STPG2: variants seen among roughly 807,000 people sequenced by gnomAD.
STPG2 encodes sperm tail PG-rich repeat containing 2.
Under a neutral mutation model 54.2 loss-of-function variants are expected in STPG2, and 56 were observed. The observed-to-expected ratio is 1.03, with a 90% CI of 0.83 to 1.29. The LOEUF (loss-of-function observed/expected upper bound fraction) is 1.29. STPG2 is among the 50% of genes most tolerant of loss of function. The pLI is 0.00. For missense variants in STPG2, 596 were observed against 544.9 expected (o/e 1.09, Z -0.93); for synonymous variants, 200 against 181.8 (o/e 1.10, Z -0.81).
At chr4:97,808,640 T>C (rs1447657776) in intron 9 of STPG2, among the ~76,000 whole-genome samples, 1 of 147,968 alleles carries the variant, frequency 6.8e-6, no homozygotes, top group African/African-American at 2.5e-5. Context: ...TTAAATTTAC[T>C]AAAAAGTTCT....
At chr4:97,472,077 A>T (rs1321546393) in intron 4 of STPG2, among the ~76,000 whole-genome samples, 1 of 152,140 alleles carries the variant, frequency 6.6e-6, no homozygotes, top group African/African-American at 2.4e-5. Context: ...TCATAACAAC[A>T]ACTAGAAAAA....
At chr4:97,644,895 C>T (rs1472831528) in intron 10 of STPG2, among the ~76,000 whole-genome samples, 1 of 151,956 alleles carries the variant, frequency 6.6e-6, no homozygotes, top group Non-Finnish European at 1.5e-5. Flanking sequence ...GATATTAAAG[C>T]TTTTGTCAGT....
intron 4 of STPG2, among the ~76,000 whole-genome samples, chr4:97,534,229 TG>T (rs1731479307): frequency 6.6e-6 from 1 of 152,118 alleles, no homozygotes; most frequent in South Asian, 2.1e-4. Context: ...TGGTCATACA[TG>T]GTCATGAGGT....
At position 97,934,353 on chromosome 4, in the gene STPG2, T is replaced by C. The variant is rs190776863; in HGVS notation, c.1044+9544A>G. Among the ~76,000 whole-genome samples the C allele has an allele frequency of 6.3e-4, 96 of 152,290 alleles. 2 individuals carry two copies. The highest frequency in any genetic ancestry group is 4.6e-3 in the South Asian group (22 of 4,832). ...TCTTCCTAGTTGAATACCCTTTATT[T>C]CCTTCTCTTACCTGATTGCCTTGGC... On this transcript the variant is annotated intron_variant, in intron 8 of 10. Coordinates refer to ENST00000295268, the MANE Select transcript of STPG2 (RefSeq NM_174952.3).
chr4:98,097,591 A>G (rs1243578391), intron 5 of STPG2, among the ~76,000 whole-genome samples: 1 of 152,156 alleles, frequency 6.6e-6, no homozygotes, highest in Non-Finnish European at 1.5e-5. Context: ...CACTTTCACC[A>G]CTGTTACTCA....
chr4:98,010,955 T>G (rs964109165), intron 5 of STPG2, among the ~76,000 whole-genome samples: 1 of 152,178 alleles, frequency 6.6e-6, no homozygotes, highest in Admixed American at 6.5e-5. Flanking sequence ...TTATATAACT[T>G]TGTAATTTTT....
intron 10 of STPG2, among the ~76,000 whole-genome samples, chr4:97,639,440 C>T (rs909658611): frequency 1.3e-5 from 2 of 151,058 alleles, no homozygotes; most frequent in African/African-American, 2.4e-5. Context: ...CACATGTATA[C>T]GTATGTAACT....
intron 8 of STPG2, among the ~76,000 whole-genome samples, chr4:97,864,449 A>G (rs1189297212): frequency 6.6e-6 from 1 of 152,216 alleles, no homozygotes; most frequent in Admixed American, 6.5e-5. Context: ...GAGGACACAA[A>G]CAAATGGGAG....
chr4:97,529,573 G>T (rs1397877440), intron 4 of STPG2, among the ~76,000 whole-genome samples: 2 of 152,064 alleles, frequency 1.3e-5, no homozygotes, highest in Non-Finnish European at 2.9e-5. Context: ...TCTCCTCTTT[G>T]CATGTCTGGT....
At chr4:97,921,769 A>G (rs1685136883) in intron 8 of STPG2, among the ~76,000 whole-genome samples, 1 of 152,198 alleles carries the variant, frequency 6.6e-6, no homozygotes, top group Admixed American at 6.5e-5. Flanking sequence ...GAACATCCAG[A>G]TCGACAAGGC....
intron 10 of STPG2, among the ~76,000 whole-genome samples, chr4:97,574,159 T>C (rs1025733467): frequency 1.3e-5 from 2 of 152,100 alleles, no homozygotes; most frequent in Non-Finnish European, 2.9e-5. Flanking sequence ...AGGAACATAA[T>C]TATTAATCTC....
intron 4 of STPG2, among the ~76,000 whole-genome samples, chr4:97,490,756 C>T (rs538734268): frequency 1.4e-3 from 219 of 151,644 alleles, no homozygotes; most frequent in Non-Finnish European, 2.2e-3. Context: ...TGTTCCTAAC[C>T]TTTAACACTT....
intron 10 of STPG2, among the ~76,000 whole-genome samples, chr4:97,711,400 T>C (rs897333757): frequency 2.6e-5 from 4 of 152,150 alleles, no homozygotes; most frequent in African/African-American, 9.6e-5. Flanking sequence ...TTAAGTCACC[T>C]AGCATAGATC....
intron 5 of STPG2, among the ~76,000 whole-genome samples, chr4:98,081,974 A>C (rs1049794290): frequency 2.6e-5 from 4 of 152,226 alleles, no homozygotes; most frequent in Non-Finnish European, 5.9e-5. Context: ...AAAAGCCCTT[A>C]CCAAGAAATA....
intron 4 of STPG2, among the ~76,000 whole-genome samples, chr4:97,518,042 A>G (rs1731109959): frequency 6.6e-6 from 1 of 152,154 alleles, no homozygotes; most frequent in African/African-American, 2.4e-5. Flanking sequence ...AGTATTGCTT[A>G]CAAATCAATT....
chr4:97,579,949 C>T (rs1160786729), intron 10 of STPG2, among the ~76,000 whole-genome samples: 1 of 151,938 alleles, frequency 6.6e-6, no homozygotes, highest in African/African-American at 2.4e-5. Flanking sequence ...TTATCTATCA[C>T]TAATTATAAA....
At chr4:97,701,209 T>G (rs947358807) in intron 10 of STPG2, among the ~76,000 whole-genome samples, 2 of 152,086 alleles carry the variant, frequency 1.3e-5, no homozygotes, top group Non-Finnish European at 2.9e-5. Flanking sequence ...AATGTGGGGG[T>G]CCTGCCAGCT....
At chr4:98,082,727 C>T (rs1738388097) in intron 5 of STPG2, among the ~76,000 whole-genome samples, 1 of 151,958 alleles carries the variant, frequency 6.6e-6, no homozygotes, top group Non-Finnish European at 1.5e-5. Context: ...GCTGGGATTA[C>T]AGGTGTGAGC....
At chr4:97,817,655 C>G (rs1437822164) in intron 9 of STPG2, among the ~76,000 whole-genome samples, 1 of 151,962 alleles carries the variant, frequency 6.6e-6, no homozygotes, top group Non-Finnish European at 1.5e-5. Context: ...TTCAGCTTCT[C>G]ACTCTCTGCA....
Sources: allele counts gnomAD v4.1 joint callset (sites outside exome capture counted in the v4.1 genomes callset), GRCh38; gene constraint gnomAD v4.1.1; transcripts MANE v1.5; gene names NCBI Gene and HGNC (gene_info 2026-07-23, HGNC 2026-07-21).